EPHA7: variants seen among roughly 807,000 people sequenced by gnomAD.
EPHA7 encodes ephrin type-A receptor 7.
In EPHA7, 25 loss-of-function variants were observed where a neutral mutation model predicts 112.6. That is an observed-to-expected ratio of 0.22 (90% CI 0.16 to 0.31). EPHA7 has a LOEUF of 0.31. Ranked by LOEUF, EPHA7 falls within the 10% of genes least tolerant of loss-of-function variation. The pLI, the probability that EPHA7 is intolerant of heterozygous loss-of-function variation, is 1.00. For missense variants in EPHA7, 962 were observed against 1,212.6 expected, an observed-to-expected ratio of 0.79 and a Z score of 3.07; for synonymous variants, 437 against 406.5, an observed-to-expected ratio of 1.07 and a Z score of -0.90.
In EPHA7 at chr6:93,255,952, C is replaced by A. The variant is rs1770423590; in HGVS notation, c.2258G>T (p.Gly753Val). 1 of 1,613,890 alleles carries A rather than the reference C, an allele frequency of 6.2e-7. No individual in the cohort carries two copies. Among genetic ancestry groups the A allele is most frequent in the Admixed American group, 1.7e-5 (1 of 59,974 alleles). The change falls in exon 13 of 17, where the codon GGA becomes GTA. Residue 753 changes from glycine (G) to valine (V), a missense_variant. Gly to Val is a moderately radical substitution (Grantham distance 109). This residue lies in a region of EPHA7 where 746 missense variants were observed against 889.2 expected (regional missense o/e 0.84). Transcript: ENST00000369303. The stretch of plus-strand genomic sequence containing the variant: ...AGCTGCAAGGTCCCTGTGAACATAT[C>A]CCATATCAGCCAAATATCTCATTCC... The part of the protein sequence containing the change: ...AAGMRYLADM[G>V]YVHRDLAARN...
chr6:93,245,566 G>A (rs1769909314), intron 15 of EPHA7, 113 bp from the exon 16 acceptor site: 4 of 1,050,170 alleles, frequency 3.8e-6, no homozygotes, highest in Admixed American at 6.1e-5. Context: ...TTTAATTGGT[G>A]TACATAATAA....
intron 5 of EPHA7, among the ~76,000 whole-genome samples, chr6:93,354,329 A>G (rs926429974): frequency 1.6e-4 from 25 of 152,036 alleles, no homozygotes; most frequent in Non-Finnish European, 2.8e-4. Context: ...CTGTTAGAAA[A>G]AGTTAACTGT....
At chr6:93,334,647 T>C (rs961774164) in intron 5 of EPHA7, among the ~76,000 whole-genome samples, 1 of 151,952 alleles carries the variant, frequency 6.6e-6, no homozygotes, top group Non-Finnish European at 1.5e-5. Context: ...AAAAAATATC[T>C]CCAAAGAAGC....
intron 6 of EPHA7, among the ~76,000 whole-genome samples, chr6:93,270,909 T>C (rs944425272): frequency 6.6e-6 from 1 of 151,834 alleles, no homozygotes; most frequent in African/African-American, 2.4e-5. Context: ...TATGCAAATT[T>C]AGTGAATGTA....
Position 93,240,043 on chromosome 6 carries a change from C to T in EPHA7, c.*3383G>A. 4.7e-6 allele frequency: 1 copy of T among 214,734 alleles called. No individual in the cohort carries two copies. Among genetic ancestry groups the T allele is most frequent in the East Asian group, 6.9e-5 (1 of 14,452 alleles). 13.3% of individuals were successfully genotyped at this position (214,734 alleles called of 1,614,324 possible). A position where few individuals can be genotyped will look rare whatever the true frequency, so the allele number is the denominator to read the frequency against. On this transcript the variant is annotated 3_prime_UTR_variant, in exon 17 of 17. Coordinates refer to ENST00000369303, the MANE Select transcript of EPHA7 (RefSeq NM_004440.4). ...GATTTTCTTTACATTGTCTAATAGA[C>T]TTGTTTATTATTTTAAGCTGGTAAA...
At chr6:93,352,701 A>C (rs1279265552) in intron 5 of EPHA7, among the ~76,000 whole-genome samples, 3 of 152,092 alleles carry the variant, frequency 2.0e-5, no homozygotes, top group African/African-American at 7.2e-5. Flanking sequence ...TAATATTAAA[A>C]AGCAGCACTT....
At chr6:93,365,327 A>C (rs1313081695) in intron 3 of EPHA7, among the ~76,000 whole-genome samples, 2 of 152,216 alleles carry the variant, frequency 1.3e-5, no homozygotes, top group Non-Finnish European at 2.9e-5. Context: ...ATACAAACGT[A>C]GTTAAGAATT....
At chr6:93,344,420 A>G (rs1432625764) in intron 5 of EPHA7, among the ~76,000 whole-genome samples, 2 of 151,692 alleles carry the variant, frequency 1.3e-5, no homozygotes, top group Admixed American at 6.6e-5. Flanking sequence ...ATGATAATGT[A>G]TTAGAAAAGA....
At chr6:93,256,588 A>G (rs548067841) in intron 12 of EPHA7, among the ~76,000 whole-genome samples, 1 of 152,242 alleles carries the variant, frequency 6.6e-6, no homozygotes, top group Non-Finnish European at 1.5e-5. Flanking sequence ...CATTACTTGT[A>G]ACAAGGATTC....
At chr6:93,368,427 A>G (rs1290958816) in intron 3 of EPHA7, among the ~76,000 whole-genome samples, 11 of 152,096 alleles carry the variant, frequency 7.2e-5, no homozygotes, top group Admixed American at 7.2e-4. Context: ...CTGGAGAGCT[A>G]TCTGTGGCAG....
intron 5 of EPHA7, among the ~76,000 whole-genome samples, chr6:93,308,242 C>T (rs1382855085): frequency 6.6e-6 from 1 of 152,056 alleles, no homozygotes; most frequent in East Asian, 1.9e-4. Flanking sequence ...CCCTCTTGCT[C>T]GGGATACTAG....
chr6:93,357,675 C>T (rs536055089), intron 4 of EPHA7, among the ~76,000 whole-genome samples: 50 of 141,924 alleles, frequency 3.5e-4, no homozygotes, highest in African/African-American at 1.2e-3. Context: ...TTTTTTGAGA[C>T]GAGGTTTCAT....
At chr6:93,360,238 G>T (rs1452749512) in intron 3 of EPHA7, among the ~76,000 whole-genome samples, 2 of 151,480 alleles carry the variant, frequency 1.3e-5, no homozygotes, top group Non-Finnish European at 2.9e-5. Context: ...AAGGATAAAG[G>T]GTTTAGCTTA....
intron 5 of EPHA7, among the ~76,000 whole-genome samples, chr6:93,300,189 C>T (rs1183090732): frequency 2.0e-5 from 3 of 151,974 alleles, no homozygotes; most frequent in Non-Finnish European, 4.4e-5. Flanking sequence ...GTGAGAAGCA[C>T]CAGTAACAAC....
At chr6:93,342,008 ACACATAATT>A (rs1775162643) in intron 5 of EPHA7, among the ~76,000 whole-genome samples, 1 of 151,782 alleles carries the variant, frequency 6.6e-6, no homozygotes, top group Non-Finnish European at 1.5e-5. Context: ...CCACTCAAGC[ACACATAATT>A]CTGAAGGTCT....
At chr6:93,413,759 A>G (rs139460391) in intron 2 of EPHA7, among the ~76,000 whole-genome samples, 1 of 152,036 alleles carries the variant, frequency 6.6e-6, no homozygotes, top group East Asian at 1.9e-4. Context: ...CATATTTTAC[A>G]TTCTTAAACT....
intron 2 of EPHA7, 60 bp downstream of exon 2, chr6:93,414,643 A>G: frequency 1.6e-6 from 2 of 1,284,300 alleles, no homozygotes; most frequent in Non-Finnish European, 2.3e-6. Flanking sequence ...CCCTGGAGGG[A>G]AGGGAAACGT....
At chr6:93,264,389 T>C (rs1247210112) in intron 8 of EPHA7, among the ~76,000 whole-genome samples, 1 of 151,588 alleles carries the variant, frequency 6.6e-6, no homozygotes, top group East Asian at 1.9e-4. Flanking sequence ...ACTGCAATAC[T>C]CATTCTCTTT....
chr6:93,351,798 A>G (rs929391310), intron 5 of EPHA7, among the ~76,000 whole-genome samples: 13 of 152,050 alleles, frequency 8.5e-5, no homozygotes, highest in African/African-American at 2.9e-4. Context: ...TGTTCAATAA[A>G]TAGTAATATT....
Sources: allele counts gnomAD v4.1 joint callset (sites outside exome capture counted in the v4.1 genomes callset), GRCh38; gene constraint gnomAD v4.1.1; regional missense constraint gnomAD v4.1.1; transcripts MANE v1.5; gene names NCBI Gene and HGNC (gene_info 2026-07-23, HGNC 2026-07-21).